HNRNPA2B1: variants seen among roughly 807,000 people sequenced by gnomAD.
HNRNPA2B1 encodes the protein heterogeneous nuclear ribonucleoprotein A2/B1.
In HNRNPA2B1, 3 loss-of-function variants were observed where a neutral mutation model predicts 46.3. The ratio of observed to expected loss-of-function variants is 0.06; its 90% CI spans 0.03 to 0.17. The LOEUF (loss-of-function observed/expected upper bound fraction) is 0.17. HNRNPA2B1 is among the 10% of genes least tolerant of loss of function. The pLI is 1.00. For missense variants in HNRNPA2B1, 221 were observed against 418.9 expected (o/e 0.53, Z 4.12); for synonymous variants, 225 against 133.8 (o/e 1.68, Z -4.70).
In HNRNPA2B1 at chr7:26,197,027, T is replaced by C. The variant is rs751495051; in HGVS notation, c.265-10A>G. 1 of 1,601,816 alleles carries C rather than the reference T, an allele frequency of 6.2e-7. No individual in the cohort carries two copies. Among genetic ancestry groups the C allele is most frequent in the Admixed American group, 1.7e-5 (1 of 59,662 alleles). On this transcript the variant is annotated splice_polypyrimidine_tract_variant and intron_variant, in intron 3 of 10. Transcript: ENST00000618183. ...CTGGTTTTCCAGATTCCTAAAATAG[T>C]GGTGGGGTAAAAGTCATCCAAACAG...
chr7:26,193,503 A>T, intron 8 of HNRNPA2B1, 72 bp downstream of exon 8: 1 of 1,547,172 alleles, frequency 6.5e-7, no homozygotes, highest in Admixed American at 2.2e-5. Flanking sequence ...ACAAACATGG[A>T]AACAAAAGAT....
intron 2 of HNRNPA2B1, 71 bp downstream of exon 2, chr7:26,197,551 A>G: frequency 6.4e-7 from 1 of 1,560,766 alleles, no homozygotes; most frequent in Admixed American, 1.7e-5. Flanking sequence ...GCTGATAGTT[A>G]TTTCCTCCAT....
chr7:26,198,039 C>G (rs1234650296), intron 1 of HNRNPA2B1: 1 of 435,148 alleles, frequency 2.3e-6, no homozygotes. Flanking sequence ...AAAAAAAAAA[C>G]TTTCTAAGGA....
intron 3 of HNRNPA2B1, 81 bp downstream of exon 3, chr7:26,197,234 A>C: frequency 6.8e-7 from 1 of 1,467,596 alleles, no homozygotes; most frequent in Non-Finnish European, 9.2e-7. Flanking sequence ...TTGAGTTAAA[A>C]CTAAATTCAG....
At position 26,197,741 on chromosome 7, in the gene HNRNPA2B1, G is replaced by T; in HGVS notation, c.7-9C>A. On this transcript the variant is annotated splice_polypyrimidine_tract_variant and intron_variant, in intron 1 of 10. Transcript: ENST00000618183. ...AACTGTTCCTTTTCTCTCTGCAAAG[G>T]AAAATACCATTTCAATTTTTATTTA... 6.2e-7 allele frequency: 1 copy of T among 1,606,268 alleles called. No individual in the cohort carries two copies. Among genetic ancestry groups the T allele is most frequent in the Non-Finnish European group, 8.5e-7 (1 of 1,175,310 alleles).
Position 26,196,851 on chromosome 7 carries a change from C to A in HNRNPA2B1, c.431G>T (p.Gly144Val). The change falls in exon 4 of 11, where the codon GGC becomes GTC. Residue 144 changes from glycine to valine, a missense_variant. Coordinates refer to ENST00000618183, the MANE Select transcript of HNRNPA2B1 (RefSeq NM_002137.4). Reference sequence around the variant, plus strand: ...ATCATGGTCATCAAAAGTAACAAAGCCAAAGCCTCTTTTCTTTCCAGACTG... The same window carrying A: ...ATCATGGTCATCAAAAGTAACAAAGACAAAGCCTCTTTTCTTTCCAGACTG... ...DRQSGKKRGF[G>V]FVTFDDHDPV... 1 of 1,613,984 alleles carries A rather than the reference C, an allele frequency of 6.2e-7. No homozygotes were observed. Among genetic ancestry groups the A allele is most frequent in the Non-Finnish European group, 8.5e-7 (1 of 1,179,980 alleles).
chr7:26,192,911 G>A (rs1270049781), intron 9 of HNRNPA2B1, among the ~76,000 whole-genome samples: 1 of 152,092 alleles, frequency 6.6e-6, no homozygotes, highest in East Asian at 1.9e-4. Flanking sequence ...CTAAGCAATG[G>A]TTTGAATCAT....
chr7:26,193,175 T>C lies in HNRNPA2B1; in HGVS notation c.964+76A>G. On this transcript the variant is annotated intron_variant, in intron 9 of 10. Transcript: ENST00000618183. ...CCCACAGTACAAACTACTTAGTATG[T>C]TATCTTCCCTTTAAGTCACAAAAGG... is the stretch of plus-strand genomic sequence containing the variant. 7 of 1,413,552 alleles carry C rather than the reference T, an allele frequency of 5.0e-6. No individual in the cohort carries two copies. The South Asian group carries it at 6.1e-5, about 12-fold the overall frequency. 87.6% of individuals were successfully genotyped at this position (1,413,552 alleles called of 1,614,324 possible). A position where few individuals can be genotyped will look rare whatever the true frequency, so the allele number is the denominator to read the frequency against.
chr7:26,194,746 G>A (rs1217083093), intron 7 of HNRNPA2B1, among the ~76,000 whole-genome samples: 4 of 150,838 alleles, frequency 2.7e-5, no homozygotes, highest in African/African-American at 9.8e-5. Flanking sequence ...ACTGTAAATA[G>A]AAGTGCGGAC....
chr7:26,196,489 A>T lies in HNRNPA2B1; in HGVS notation c.578-8T>A. ...CCCCAAAGCCAAAGTTGCCTACAAT[A>T]AATGCCCCAGTTAGAAGCAAGCCCT... On this transcript the variant is annotated splice_region_variant and splice_polypyrimidine_tract_variant and intron_variant, in intron 5 of 10. Coordinates refer to ENST00000618183, the MANE Select transcript of HNRNPA2B1 (RefSeq NM_002137.4). 6.2e-7 allele frequency: 1 copy of T among 1,614,122 alleles called. No individual in the cohort carries two copies. Among genetic ancestry groups the T allele is most frequent in the Non-Finnish European group, 8.5e-7 (1 of 1,179,964 alleles).
At chr7:26,196,017 G>C in intron 6 of HNRNPA2B1, 108 bp from the exon 7 acceptor site, 1 of 1,406,590 alleles carries the variant, frequency 7.1e-7, no homozygotes, top group South Asian at 1.5e-5. Flanking sequence ...AAGAACCGCA[G>C]AAAAGGACAC....
chr7:26,199,058 C>G (rs1025124990), intron 1 of HNRNPA2B1: 13 of 152,276 alleles, frequency 8.5e-5, no homozygotes, highest in African/African-American at 3.1e-4. Context: ...TAGTTATTTT[C>G]ATTTTTTCAG....
At chr7:26,196,680 C>A in intron 4 of HNRNPA2B1, 22 bp from the exon 5 acceptor site, 1 of 1,594,618 alleles carries the variant, frequency 6.3e-7, no homozygotes, top group Non-Finnish European at 8.6e-7. Context: ...AATTCAGACT[C>A]CTTTTAAATT....
rs1054421408 is a variant in HNRNPA2B1 at position 26,193,419 on chromosome 7, A to T, written c.842-46T>A. Reference sequence around the variant, plus strand: ...TCAGAACAATACAAACATTAAACCAAGGACTTAGGACAAAGCTCCCATAAA... The same window carrying T: ...TCAGAACAATACAAACATTAAACCATGGACTTAGGACAAAGCTCCCATAAA... On this transcript the variant is annotated intron_variant, in intron 8 of 10. Transcript: ENST00000618183. 1.9e-6 allele frequency: 3 copies of T among 1,573,026 alleles called. No individual in the cohort carries two copies. In the South Asian group the frequency reaches 3.5e-5, roughly 18 times the overall value.
At chr7:26,194,441 G>A (rs1783275129) in intron 7 of HNRNPA2B1, among the ~76,000 whole-genome samples, 1 of 151,970 alleles carries the variant, frequency 6.6e-6, no homozygotes, top group South Asian at 2.1e-4. Flanking sequence ...GCTCACACCT[G>A]TAATCCCAGC....
intron 1 of HNRNPA2B1, 171 bp from the exon 2 acceptor site, chr7:26,197,903 CAT>C (rs751808708): frequency 3.3e-6 from 5 of 1,531,792 alleles, no homozygotes; most frequent in Non-Finnish European, 2.7e-6. Context: ...AAATTTAAAC[CAT>C]ATGTTAAACT....
chr7:26,200,511 C>T (rs1784309731), intron 1 of HNRNPA2B1, 61 bp downstream of exon 1: 3 of 1,583,724 alleles, frequency 1.9e-6, no homozygotes, highest in Admixed American at 1.7e-5. Flanking sequence ...CCGACTTCCA[C>T]TGAGGCGCCA....
chr7:26,197,281 A>C (rs777949334), intron 3 of HNRNPA2B1, 34 bp downstream of exon 3: 2 of 1,564,878 alleles, frequency 1.3e-6, no homozygotes, highest in African/African-American at 1.4e-5. Flanking sequence ...AGCGTTCTTC[A>C]TGTTAATGCA....
intron 5 of HNRNPA2B1, 22 bp from the exon 6 acceptor site, chr7:26,196,503 G>C: frequency 6.2e-7 from 1 of 1,613,774 alleles, no homozygotes; most frequent in Non-Finnish European, 8.5e-7. Context: ...GCCCCAGTTA[G>C]AAGCAAGCCC....
Sources: allele counts gnomAD v4.1 joint callset (sites outside exome capture counted in the v4.1 genomes callset), GRCh38; gene constraint gnomAD v4.1.1; transcripts MANE v1.5; gene names NCBI Gene and HGNC (gene_info 2026-07-23, HGNC 2026-07-21).